LRRIQ3: variants seen among roughly 807,000 people sequenced by gnomAD.
LRRIQ3 encodes the protein leucine-rich repeat and IQ domain-containing protein 3.
LRRIQ3 carries 75 observed loss-of-function variants against 59.3 expected under a neutral mutation model. The ratio of observed to expected loss-of-function variants is 1.26; its 90% CI spans 1.05 to 1.53. The LOEUF is 1.53. LRRIQ3 is among the 40% of genes most tolerant of loss of function. The pLI is 0.00. For missense variants in LRRIQ3, 831 were observed against 710.0 expected (o/e 1.17, Z -1.94); for synonymous variants, 250 against 231.3 (o/e 1.08, Z -0.73).
chr1:74,193,121 T>TG (rs1650875115), intron 1 of LRRIQ3, among the ~76,000 whole-genome samples: 1 of 152,196 alleles, frequency 6.6e-6, no homozygotes, highest in Non-Finnish European at 1.5e-5. Context: ...ATTTAAAATA[T>TG]GCACATAGAG....
chr1:74,133,256 T>C (rs541696713), intron 4 of LRRIQ3, among the ~76,000 whole-genome samples: 1 of 152,168 alleles, frequency 6.6e-6, no homozygotes, highest in African/African-American at 2.4e-5. Context: ...ACTTTTATAC[T>C]GTTGGTGGAA....
chr1:74,196,000 T>C (rs539919303), intron 1 of LRRIQ3, among the ~76,000 whole-genome samples: 2 of 152,062 alleles, frequency 1.3e-5, no homozygotes, highest in African/African-American at 4.8e-5. Flanking sequence ...TAGTATTTTT[T>C]AATTTTTTTT....
chr1:74,082,866 A>G (rs978996504), intron 5 of LRRIQ3: 1 of 151,730 alleles, frequency 6.6e-6, no homozygotes, highest in East Asian at 1.9e-4. Flanking sequence ...CTTGAATAAT[A>G]TTTTCTAAAA....
At chr1:74,164,219 C>G (rs1403101360) in intron 3 of LRRIQ3, among the ~76,000 whole-genome samples, 1 of 151,218 alleles carries the variant, frequency 6.6e-6, no homozygotes, top group African/African-American at 2.4e-5. Context: ...AATCGTTTCC[C>G]CTCAAATTCA....
At chr1:74,094,046 G>A (rs1443330890) in intron 5 of LRRIQ3, among the ~76,000 whole-genome samples, 1 of 152,020 alleles carries the variant, frequency 6.6e-6, no homozygotes, top group Non-Finnish European at 1.5e-5. Context: ...GATGAGGGCT[G>A]TTACTGGCTT....
At chr1:74,041,061 T>C in intron 7 of LRRIQ3, 152 bp downstream of exon 7, 2 of 647,684 alleles carry the variant, frequency 3.1e-6, no homozygotes, top group Non-Finnish European at 5.0e-6. Context: ...TTTGGTAATA[T>C]ATTAGTATAT....
At chr1:74,088,478 C>T (rs557760196) in intron 5 of LRRIQ3, among the ~76,000 whole-genome samples, 12 of 151,962 alleles carry the variant, frequency 7.9e-5, no homozygotes, top group East Asian at 5.8e-4. Context: ...TACAGACATA[C>T]GTATCAATAA....
rs753003208 is a variant in LRRIQ3, at chr1:74,026,793, G to A, written c.*20C>T. ...ATGACTATAATTTAAGATGATCATA[G>A]GATGTGATCTGGCATTGATTCATTT... On this transcript the variant is annotated 3_prime_UTR_variant, in exon 8 of 8. Transcript: ENST00000354431. 1.3e-6 allele frequency: 2 copies of A among 1,573,474 alleles called. No homozygotes were observed. The highest frequency in any genetic ancestry group is 1.2e-5 in the South Asian group (1 of 84,682).
chr1:74,042,390 G>A (rs190886555), intron 6 of LRRIQ3, among the ~76,000 whole-genome samples: 17 of 152,238 alleles, frequency 1.1e-4, no homozygotes, highest in Admixed American at 2.6e-4. Flanking sequence ...GAAAATGGAA[G>A]AAATATAGAA....
chr1:74,031,032 C>T (rs1469317184), intron 7 of LRRIQ3, among the ~76,000 whole-genome samples: 1 of 152,144 alleles, frequency 6.6e-6, no homozygotes. Flanking sequence ...CACTGTCCAT[C>T]AGAGAAATGC....
chr1:74,091,051 T>A (rs1369439039), intron 5 of LRRIQ3, among the ~76,000 whole-genome samples: 1 of 152,126 alleles, frequency 6.6e-6, no homozygotes, highest in African/African-American at 2.4e-5. Context: ...GCTTTTGTTC[T>A]GATAAAATTT....
intron 3 of LRRIQ3, 61 bp downstream of exon 3, chr1:74,182,477 A>G: frequency 9.3e-7 from 1 of 1,072,740 alleles, no homozygotes; most frequent in Non-Finnish European, 1.3e-6. Context: ...TATAGAACTC[A>G]GAAGCTAAAA....
chr1:74,134,738 G>T (rs909458635), intron 4 of LRRIQ3, among the ~76,000 whole-genome samples: 7 of 151,326 alleles, frequency 4.6e-5, no homozygotes, highest in African/African-American at 1.7e-4. Context: ...CAACCACTGA[G>T]AAAATAACAA....
chr1:74,039,519 A>G (rs988577788), intron 7 of LRRIQ3, among the ~76,000 whole-genome samples: 1 of 150,920 alleles, frequency 6.6e-6, no homozygotes, highest in Non-Finnish European at 1.5e-5. Flanking sequence ...CCCAAGACAC[A>G]TATGGGCAGC....
chr1:74,081,839 A>G (rs952723991), intron 5 of LRRIQ3: 1 of 151,428 alleles, frequency 6.6e-6, no homozygotes, highest in Non-Finnish European at 1.5e-5. Context: ...CTCTCCCTTA[A>G]ATAATTAATA....
chr1:74,180,656 C>A, intron 3 of LRRIQ3: 1 of 1,474,988 alleles, frequency 6.8e-7, no homozygotes, highest in Non-Finnish European at 9.2e-7. Context: ...CAAATCTCTG[C>A]ACTGTCTGTC....
intron 4 of LRRIQ3, among the ~76,000 whole-genome samples, chr1:74,130,401 G>A (rs1032213392): frequency 2.6e-5 from 4 of 152,054 alleles, no homozygotes; most frequent in African/African-American, 9.7e-5. Context: ...AAATTTCAAT[G>A]CAAAGTTCCA....
chr1:74,094,889 G>A (rs1351996604), intron 5 of LRRIQ3: 2 of 152,062 alleles, frequency 1.3e-5, no homozygotes, highest in Non-Finnish European at 2.9e-5. Flanking sequence ...ACAGGCAAAT[G>A]TTTGAAATTG....
At chr1:74,182,337 CTTTG>C (rs1350895910) in intron 3 of LRRIQ3, 197 bp downstream of exon 3, 9 of 321,102 alleles carry the variant, frequency 2.8e-5, no homozygotes, top group Middle Eastern at 8.4e-4. Flanking sequence ...TCATTTCAGG[CTTTG>C]TTTAATGTAG....
Sources: allele counts gnomAD v4.1 joint callset (sites outside exome capture counted in the v4.1 genomes callset), GRCh38; gene constraint gnomAD v4.1.1; transcripts MANE v1.5; gene names NCBI Gene and HGNC (gene_info 2026-07-23, HGNC 2026-07-21).